Variants in TBC1D17 observed in about 807,000 individuals in gnomAD.
The protein encoded by TBC1D17 is TBC1 domain family member 17.
In TBC1D17, 69 loss-of-function variants were observed where a neutral mutation model predicts 78.8. The observed-to-expected ratio is 0.88, with a 90% CI of 0.72 to 1.07. The LOEUF (loss-of-function observed/expected upper bound fraction) is 1.07. TBC1D17 is among the 50% of genes least tolerant of loss of function. The pLI is 0.00. For missense variants in TBC1D17, 957 were observed against 861.0 expected (o/e 1.11, Z -1.39); for synonymous variants, 456 against 358.3 (o/e 1.27, Z -3.08).
At position 49,887,562 on chromosome 19, in the gene TBC1D17, CG is replaced by C; in HGVS notation, c.1533del (p.Leu512CysfsTer47). 1 of 1,614,118 alleles carries C rather than the reference CG, an allele frequency of 6.2e-7. No homozygotes were observed. The highest frequency in any genetic ancestry group is 8.5e-7 in the Non-Finnish European group (1 of 1,180,012). ...GGAATTCCCCTTCCCGGATGTCCTT[CG>C]GCTGTGGGAGGTGGGCCAGCCAGTT... ...KREFPFPDVLRLWEVLWTGLP... is the reference protein window; with the variant it reads ...KREFPFPDVLXLWEVLWTGLP... On this transcript the variant is annotated frameshift_variant, in exon 14 of 17. Coordinates refer to ENST00000221543, the MANE Select transcript of TBC1D17 (RefSeq NM_024682.3). LOFTEE classifies it high-confidence loss of function.
chr19:49,887,224 C>T (rs888557880), intron 13 of TBC1D17: 14 of 498,338 alleles, frequency 2.8e-5, no homozygotes, highest in Non-Finnish European at 4.4e-5. Flanking sequence ...TTTCGTCGGG[C>T]GTGCTGGGCG....
At chr19:49,883,244 GGTCT>G (rs2122451144) in intron 9 of TBC1D17, among the ~76,000 whole-genome samples, 168 bp downstream of exon 9, 2 of 152,282 alleles carry the variant, frequency 1.3e-5, no homozygotes, top group South Asian at 4.1e-4. Context: ...ACCCCTGTAT[GGTCT>G]GTCTCCATTG....
At chr19:49,883,599 T>C (rs777896708) in intron 9 of TBC1D17, 52 bp from the exon 10 acceptor site, 3 of 1,545,882 alleles carry the variant, frequency 1.9e-6, no homozygotes, top group Non-Finnish European at 2.7e-6. Flanking sequence ...TGGAGGTCTC[T>C]GGGTGTTGCA....
At position 49,881,436 on chromosome 19, in the gene TBC1D17, C is replaced by T; in HGVS notation, c.488C>T (p.Ala163Val). The T allele has an allele frequency of 1.9e-6, 3 of 1,611,630 alleles. No homozygotes were observed. The highest frequency in any genetic ancestry group is 1.3e-5 in the African/African-American group (1 of 75,040). ...CACTTCCACCGCGGGGGCACCCGCG[C>T]CCTGCTCCGCGTCCTCAGCCGCTAC... ...ALHFHRGGTRALLRVLSRYLL... is the reference protein window; with the variant it reads ...ALHFHRGGTRVLLRVLSRYLL... The change falls in exon 5 of 17, where the codon GCC becomes GTC. Residue 163 changes from alanine to valine, a missense_variant. Coordinates refer to ENST00000221543, the MANE Select transcript of TBC1D17 (RefSeq NM_024682.3).
At chr19:49,888,159 C>G (rs775994197) in intron 15 of TBC1D17, 72 bp from the exon 16 acceptor site, 12 of 1,548,088 alleles carry the variant, frequency 7.8e-6, no homozygotes, top group South Asian at 1.2e-5. Context: ...TTTCCCAGCA[C>G]GAAGCACAGA....
intron 3 of TBC1D17, chr19:49,878,799 A>G (rs1190247712): frequency 3.7e-6 from 2 of 535,200 alleles, no homozygotes; most frequent in East Asian, 3.1e-5. Flanking sequence ...GGTCGTGGGG[A>G]CGGCTGACCC....
chr19:49,882,838 C>T lies in TBC1D17; in HGVS notation c.873C>T (p.Gly291=), dbSNP rs1209429262. The change falls in exon 8 of 17, where the codon GGC becomes GGT. Residue 291 remains glycine (G), a synonymous_variant. Coordinates refer to ENST00000221543, the MANE Select transcript of TBC1D17 (RefSeq NM_024682.3). ...VTEEEWARHV[G]PEGRLQQVPE... is the part of the protein sequence containing the mutation. Reference sequence around the variant, plus strand: ...AGGAGGAGTGGGCACGCCACGTGGGCCCTGAAGGTCGCCTGCAGCAGGTCC... The same window carrying T: ...AGGAGGAGTGGGCACGCCACGTGGGTCCTGAAGGTCGCCTGCAGCAGGTCC... 1.9e-5 allele frequency: 30 copies of T among 1,611,132 alleles called. No individual in the cohort carries two copies. The highest frequency in any genetic ancestry group is 2.4e-5 in the Non-Finnish European group (28 of 1,179,186).
rs199731123 is a variant in TBC1D17 at position 49,881,371 on chromosome 19, G to C, written c.423G>C (p.Leu141=). 1 of 1,613,324 alleles carries C rather than the reference G, an allele frequency of 6.2e-7. No homozygotes were observed. The highest frequency in any genetic ancestry group is 1.3e-5 in the African/African-American group (1 of 75,036). Residue 141 remains leucine (L), a synonymous_variant, in exon 5 of 17, where the codon CTG becomes CTC. Transcript: ENST00000221543. ...AGCCAGGCCTCAGCTGGGCCTACCT[G>C]GTTCTGGTGACCCAGGCTGGAGGTT... ...RSKPGLSWAY[L]VLVTQAGGSL...
Position 49,880,288 on chromosome 19 carries a change from G to T in TBC1D17, c.205G>T (p.Gly69Trp). The change falls in exon 4 of 17, where the codon GGG becomes TGG. Residue 69 changes from glycine to tryptophan, a missense_variant. By Grantham distance (184) the Gly-to-Trp change is radical (BLOSUM62 -2). Coordinates refer to ENST00000221543, the MANE Select transcript of TBC1D17 (RefSeq NM_024682.3). ...QILFSKKDSS[G>W]GDSCASEEEP... ...CCTTTCCTCTCCTAAGGACTCCAGTGGGGGTGACTCATGTGCTTCTGAGGA... is the reference window on the plus strand; with the variant it reads ...CCTTTCCTCTCCTAAGGACTCCAGTTGGGGTGACTCATGTGCTTCTGAGGA... 1 of 1,614,032 alleles carries T rather than the reference G, an allele frequency of 6.2e-7. No homozygotes were observed. The highest frequency in any genetic ancestry group is 8.5e-7 in the Non-Finnish European group (1 of 1,179,954).
chr19:49,879,719 G>C (rs963599360), intron 3 of TBC1D17, among the ~76,000 whole-genome samples: 1 of 151,280 alleles, frequency 6.6e-6, no homozygotes, highest in African/African-American at 2.4e-5. Flanking sequence ...TGAGCACTCC[G>C]CAGCCTGACT....
chr19:49,885,856 C>A lies in TBC1D17; in HGVS notation c.1444+1098C>A, dbSNP rs75200998. Among the ~76,000 whole-genome samples the A allele has an allele frequency of 3.9e-3, 591 of 151,746 alleles. 7 individuals are homozygous for A. The highest frequency in any genetic ancestry group is 0.03 in the East Asian group (156 of 5,164). On this transcript the variant is annotated intron_variant, in intron 13 of 16. Transcript: ENST00000221543. ...AGCCGTGGTGGCGCCCACCTGTAAT[C>A]CCAGCTGTTGGGATCGGCTGAGGCA...
intron 13 of TBC1D17, chr19:49,886,412 C>CT (rs760604927): frequency 1.3e-5 from 2 of 152,164 alleles, no homozygotes; most frequent in Non-Finnish European, 2.9e-5. Context: ...CCTCACCTTA[C>CT]TGATGAGGAA....
Position 49,882,375 on chromosome 19 carries a change from A to C in TBC1D17, c.773A>C (p.Glu258Ala). 1 of 1,608,148 alleles carries C rather than the reference A, an allele frequency of 6.2e-7. No individual in the cohort carries two copies. The highest frequency in any genetic ancestry group is 8.5e-7 in the Non-Finnish European group (1 of 1,179,774). Residue 258 changes from glutamate to alanine, a missense_variant, in exon 7 of 17, where the codon GAG (glutamate) becomes GCG (alanine). Transcript: ENST00000221543. ...DLPPPPDDEP[E>A]PGFEVISCVE... ...CCCCCGCCACCCGACGATGAGCCCG[A>C]GCCTGGATTCGAGGTCATTTCCTGT...
At chr19:49,887,342 C>G in intron 13 of TBC1D17, 134 bp from the exon 14 acceptor site, 1 of 854,856 alleles carries the variant, frequency 1.2e-6, no homozygotes, top group Non-Finnish European at 1.9e-6. Context: ...CTGCTCCTGC[C>G]TCACCTCCGA....
intron 3 of TBC1D17, among the ~76,000 whole-genome samples, 191 bp from the exon 4 acceptor site, chr19:49,880,088 C>T (rs2074999250): frequency 6.6e-6 from 1 of 152,042 alleles, no homozygotes; most frequent in South Asian, 2.1e-4. Context: ...GAACTCCCGA[C>T]CTCAGGTGAT....
At chr19:49,884,217 T>A (rs777233991) in intron 10 of TBC1D17, 36 bp from the exon 11 acceptor site, 2 of 1,597,618 alleles carry the variant, frequency 1.3e-6, no homozygotes, top group Non-Finnish European at 1.7e-6. Flanking sequence ...CCCCCCTACC[T>A]TTCTCACCTT....
chr19:49,882,234 G>A lies in TBC1D17; in HGVS notation c.640-8G>A, dbSNP rs530974049. On this transcript the variant is annotated splice_region_variant and splice_polypyrimidine_tract_variant and intron_variant, in intron 6 of 16. Transcript: ENST00000221543. ...CGGGCCGTGACCTCCCTTTGGCCTC[G>A]TCCCCAGCGCTTCCTCCAGGATCCC... The A allele has an allele frequency of 5.4e-4, 872 of 1,612,150 alleles. 11 individuals carry two copies. The South Asian group carries it at 9.0e-3, about 17-fold the overall frequency.
At chr19:49,881,599 C>G in intron 5 of TBC1D17, 124 bp downstream of exon 5, 2 of 954,832 alleles carry the variant, frequency 2.1e-6, no homozygotes, top group South Asian at 3.3e-5. Flanking sequence ...AAGAGTTGAC[C>G]AGCACATATA....
In TBC1D17 at chr19:49,882,918, T is replaced by C. The variant is rs770894928; in HGVS notation, c.927+26T>C. The C allele has an allele frequency of 1.2e-5, 19 of 1,597,294 alleles. No homozygotes were observed. In the African/African-American group the frequency reaches 2.4e-4, roughly 20 times the overall value. ...GTGAGTGCCAGGACAGGTGGAAGAA[T>C]GGGGCAGGGCCAGAACAAGGCCCCA... On this transcript the variant is annotated intron_variant, in intron 8 of 16. Coordinates refer to ENST00000221543, the MANE Select transcript of TBC1D17 (RefSeq NM_024682.3).
Sources: gnomAD v4.1 joint callset for allele counts (sites outside exome capture counted in the v4.1 genomes callset) on GRCh38, gnomAD v4.1.1 for gene constraint, MANE v1.5 for transcripts, NCBI Gene and HGNC (gene_info 2026-07-23, HGNC 2026-07-21) for gene names.